SLC9B1: variants seen among roughly 807,000 people sequenced by gnomAD.
SLC9B1 encodes the protein solute carrier family 9 member B1.
SLC9B1 carries 32 observed loss-of-function variants against 51.7 expected under a neutral mutation model. That is an observed-to-expected ratio of 0.62 (90% CI 0.47 to 0.83). SLC9B1 has a LOEUF of 0.83. Ranked by LOEUF, SLC9B1 falls within the 40% of genes least tolerant of loss-of-function variation. The pLI, the probability that SLC9B1 is intolerant of heterozygous loss-of-function variation, is 0.00. For missense variants in SLC9B1, 406 were observed against 613.2 expected (o/e 0.66, Z 3.57); for synonymous variants, 145 against 212.7 (o/e 0.68, Z 2.77).
intron 6 of SLC9B1, among the ~76,000 whole-genome samples, chr4:102,933,643 A>G (rs1736570760): frequency 6.6e-6 from 1 of 152,186 alleles, no homozygotes; most frequent in African/African-American, 2.4e-5. Context: ...AAGTTTACTC[A>G]TGTAGCTATT....
downstream of SLC9B1, chr4:102,897,769 A>T: frequency 2.1e-6 from 1 of 484,008 alleles, no homozygotes; most frequent in Non-Finnish European, 4.1e-6. Context: ...AGTCATGTCA[A>T]CACAGCTGTT....
chr4:102,951,326 C>T (rs187584078), intron 3 of SLC9B1, among the ~76,000 whole-genome samples: 14 of 152,178 alleles, frequency 9.2e-5, no homozygotes, highest in Non-Finnish European at 1.6e-4. Context: ...CATAAAGTCT[C>T]AAAGGTAAAG....
chr4:102,939,613 C>T (rs1267810188), intron 6 of SLC9B1, among the ~76,000 whole-genome samples: 1 of 151,988 alleles, frequency 6.6e-6, no homozygotes, highest in Non-Finnish European at 1.5e-5. Flanking sequence ...AAGAAAACTT[C>T]AGGACAGTTA....
intron 3 of SLC9B1, among the ~76,000 whole-genome samples, chr4:102,973,362 G>A (rs1316297120): frequency 6.6e-6 from 1 of 152,014 alleles, no homozygotes; most frequent in Non-Finnish European, 1.5e-5. Flanking sequence ...ATTATGTAAA[G>A]ACATCTATGC....
intron 3 of SLC9B1, among the ~76,000 whole-genome samples, chr4:102,976,264 C>T (rs1486611906): frequency 6.6e-6 from 1 of 151,202 alleles, no homozygotes; most frequent in Non-Finnish European, 1.5e-5. Context: ...TGAAGGATAA[C>T]ATTTACTAGC....
chr4:102,930,202 A>G (rs1736381019), intron 7 of SLC9B1, among the ~76,000 whole-genome samples: 1 of 152,196 alleles, frequency 6.6e-6, no homozygotes. Context: ...TCAAATTAGC[A>G]AAGATGAAAA....
intron 7 of SLC9B1, among the ~76,000 whole-genome samples, chr4:102,916,389 TTATAAA>T (rs1181635241): frequency 2.0e-5 from 3 of 152,268 alleles, no homozygotes; most frequent in African/African-American, 4.8e-5. Context: ...GATATAGCAA[TTATAAA>T]TATATATGCA....
At chr4:102,926,073 A>G (rs1055428523) in intron 7 of SLC9B1, among the ~76,000 whole-genome samples, 1 of 152,302 alleles carries the variant, frequency 6.6e-6, no homozygotes, top group Non-Finnish European at 1.5e-5. Context: ...CTCTCAATAA[A>G]CTAGGTATTG....
At chr4:102,931,826 T>G (rs1357267518) in intron 7 of SLC9B1, among the ~76,000 whole-genome samples, 2 of 152,236 alleles carry the variant, frequency 1.3e-5, no homozygotes, top group Non-Finnish European at 2.9e-5. Context: ...CCGCTGAATT[T>G]TTTCTAATGA....
rs536773044 is a variant in SLC9B1, at chr4:103,001,657, TCAACAAGTCTC to T, written c.-1-9956_-1-9946del. Among the ~76,000 whole-genome samples, 438 of 152,296 alleles carry T rather than the reference TCAACAAGTCTC, an allele frequency of 2.9e-3. 2 individuals carry two copies. Among genetic ancestry groups the T allele is most frequent in the Non-Finnish European group, 5.4e-3 (367 of 68,024 alleles). ...CATCCAGCATTTTGATCAAAACCAT[TCAACAAGTCTC>T]CAGGAAGTTCCAAACTTTCTCACAT... On this transcript the variant is annotated intron_variant, in intron 1 of 11. Transcript: ENST00000296422.
At chr4:103,010,497 A>G (rs1741037291) in intron 1 of SLC9B1, among the ~76,000 whole-genome samples, 4 of 152,184 alleles carry the variant, frequency 2.6e-5, no homozygotes, top group Admixed American at 2.6e-4. Flanking sequence ...GTAGTGTCTT[A>G]GTCTATTTGT....
At chr4:103,012,122 A>T (rs1175634647) in intron 1 of SLC9B1, among the ~76,000 whole-genome samples, 2 of 152,192 alleles carry the variant, frequency 1.3e-5, no homozygotes, top group Non-Finnish European at 2.9e-5. Flanking sequence ...TCTTGAATTA[A>T]TTTTTCTCTT....
At chr4:102,955,843 G>GAGAA (rs56088004) in intron 3 of SLC9B1, among the ~76,000 whole-genome samples, 8,815 of 106,686 alleles carry the variant, frequency 0.083, 411 homozygotes, top group Non-Finnish European at 0.11. Context: ...GAAAGAGAGA[G>GAGAA]AGAAAGAAAG....
chr4:102,958,277 T>C (rs1450582602), intron 3 of SLC9B1, among the ~76,000 whole-genome samples: 3 of 152,002 alleles, frequency 2.0e-5, no homozygotes, highest in Non-Finnish European at 2.9e-5. Context: ...TGTGTGGCAC[T>C]GCCCCTTGCT....
chr4:102,974,480 TGTAAC>T, intron 3 of SLC9B1, among the ~76,000 whole-genome samples: 1 of 151,938 alleles, frequency 6.6e-6, no homozygotes, highest in East Asian at 1.9e-4. Flanking sequence ...AAAAATGAAA[TGTAAC>T]ATAAAATATG....
intron 6 of SLC9B1, among the ~76,000 whole-genome samples, chr4:102,941,161 T>C (rs1736976122): frequency 6.6e-6 from 1 of 152,164 alleles, no homozygotes; most frequent in East Asian, 1.9e-4. Context: ...AAATGGGATC[T>C]AATTAAACTA....
At chr4:102,920,454 A>G (rs191147114) in intron 7 of SLC9B1, among the ~76,000 whole-genome samples, 1 of 152,368 alleles carries the variant, frequency 6.6e-6, no homozygotes, top group Non-Finnish European at 1.5e-5. Context: ...GATAGGGATA[A>G]ACCAGAGCAG....
rs780022127 is a variant in SLC9B1 at position 102,906,677 on chromosome 4, T to G, written c.1087-33A>C. ...AAAGAGAAATACATTTATAATGATT[T>G]TGGCACATAAATATATTTCAGAAAC... On this transcript the variant is annotated intron_variant, in intron 9 of 11. Transcript: ENST00000296422. 1.5e-5 allele frequency: 20 copies of G among 1,332,544 alleles called. No homozygotes were observed. The African/African-American group carries it at 2.5e-4, about 17-fold the overall frequency. The allele number at this position is 1,332,544 out of a possible 1,614,324, so 82.5% of individuals were successfully genotyped here. A position where few individuals can be genotyped will look rare whatever the true frequency, so the allele number is the denominator to read the frequency against.
At chr4:102,990,580 C>T (rs1305054988) in intron 2 of SLC9B1, among the ~76,000 whole-genome samples, 1 of 146,094 alleles carries the variant, frequency 6.8e-6, no homozygotes, top group Non-Finnish European at 1.5e-5. Flanking sequence ...AAAACATAAA[C>T]AATGATAACA....
Sources: gnomAD v4.1 joint callset for allele counts (sites outside exome capture counted in the v4.1 genomes callset) on GRCh38, gnomAD v4.1.1 for gene constraint, MANE v1.5 for transcripts, NCBI Gene and HGNC (gene_info 2026-07-23, HGNC 2026-07-21) for gene names.